Variants in GRIK1 observed in about 807,000 individuals in gnomAD.
The protein encoded by GRIK1 is glutamate ionotropic receptor kainate type subunit 1.
GRIK1 carries 69 observed loss-of-function variants against 105.7 expected under a neutral mutation model. That is an observed-to-expected ratio of 0.65 (90% CI 0.54 to 0.80). The LOEUF (loss-of-function observed/expected upper bound fraction) is 0.80. Among genes scored for constraint, GRIK1 ranks in the 30% least tolerant of loss-of-function variants. GRIK1 has a pLI of 0.00. For synonymous variants in GRIK1, 438 were observed against 431.3 expected (o/e 1.02, Z -0.19); for missense variants, 1,109 against 1,167.3 (o/e 0.95, Z 0.73).
At chr21:29,719,083 T>C (rs1453045370) in intron 1 of GRIK1, among the ~76,000 whole-genome samples, 1 of 129,356 alleles carries the variant, frequency 7.7e-6, no homozygotes, top group Non-Finnish European at 1.8e-5. Context: ...TGTATATACA[T>C]ATATATATAT....
chr21:29,826,903 C>G (rs780093731), intron 1 of GRIK1, among the ~76,000 whole-genome samples: 1 of 152,030 alleles, frequency 6.6e-6, no homozygotes, highest in Non-Finnish European at 1.5e-5. Flanking sequence ...TAAACCTAAG[C>G]AACAAATTCA....
intron 1 of GRIK1, among the ~76,000 whole-genome samples, chr21:29,734,450 C>T (rs558682567): frequency 6.8e-5 from 10 of 147,216 alleles, no homozygotes; most frequent in Middle Eastern, 7.1e-3. Context: ...ACTCTCTTGC[C>T]CAGGGTGGAG....
At chr21:29,915,825 A>G (rs552556810) in intron 1 of GRIK1, among the ~76,000 whole-genome samples, 1 of 152,086 alleles carries the variant, frequency 6.6e-6, no homozygotes, top group Admixed American at 6.6e-5. Context: ...CCAAAAACCT[A>G]GCACAAAATT....
intron 14 of GRIK1, among the ~76,000 whole-genome samples, chr21:29,563,464 C>A (rs2090534485): frequency 1.3e-5 from 2 of 152,042 alleles, no homozygotes; most frequent in African/African-American, 2.4e-5. Context: ...TTTGTGGAAC[C>A]CATTGTGTCA....
At position 29,878,867 on chromosome 21, in the gene GRIK1, C is replaced by T. The variant is rs1018802109; in HGVS notation, c.118+60516G>A. 8.6e-5 allele frequency among the ~76,000 whole-genome samples: 13 copies of T among 151,630 alleles called. No homozygotes were observed. The East Asian group carries it at 1.2e-3, about 14-fold the overall frequency. Reference sequence around the variant, plus strand: ...TACATTTCTATTGTTTATAAGTCACCGATTTTTATGGTCCTTTGTCATGGG... The same window carrying T: ...TACATTTCTATTGTTTATAAGTCACTGATTTTTATGGTCCTTTGTCATGGG... On this transcript the variant is annotated intron_variant, in intron 1 of 17. Coordinates refer to ENST00000327783, the MANE Select transcript of GRIK1 (RefSeq NM_001330994.2).
At chr21:29,615,039 T>C (rs1056749108) in intron 7 of GRIK1, among the ~76,000 whole-genome samples, 1 of 151,730 alleles carries the variant, frequency 6.6e-6, no homozygotes, top group African/African-American at 2.4e-5. Flanking sequence ...AACTAAGTTC[T>C]TGTTGAATGA....
chr21:29,765,174 C>T (rs947358028), intron 1 of GRIK1, among the ~76,000 whole-genome samples: 2 of 152,292 alleles, frequency 1.3e-5, no homozygotes, highest in Non-Finnish European at 1.5e-5. Context: ...TAATATAGTG[C>T]CAAGAAGTCA....
intron 1 of GRIK1, among the ~76,000 whole-genome samples, chr21:29,901,323 C>T (rs1242701778): frequency 1.3e-5 from 2 of 152,026 alleles, no homozygotes. Context: ...GACATAGAGA[C>T]ACAAAATACC....
At chr21:29,629,754 G>T (rs2146474207) in intron 7 of GRIK1, among the ~76,000 whole-genome samples, 1 of 152,324 alleles carries the variant, frequency 6.6e-6, no homozygotes, top group South Asian at 2.1e-4. Flanking sequence ...CTCCCAAAGT[G>T]CTGGGATTAC....
chr21:29,820,019 A>C (rs1331139674), intron 1 of GRIK1, among the ~76,000 whole-genome samples: 1 of 152,058 alleles, frequency 6.6e-6, no homozygotes, highest in Non-Finnish European at 1.5e-5. Context: ...GATGTGACCA[A>C]AGAAAGCTGT....
chr21:29,840,791 A>T (rs544570381), intron 1 of GRIK1, among the ~76,000 whole-genome samples: 1 of 152,316 alleles, frequency 6.6e-6, no homozygotes, highest in African/African-American at 2.4e-5. Context: ...AAGAAAGCTT[A>T]AGGCTGAATC....
At chr21:29,819,437 C>A (rs1393610904) in intron 1 of GRIK1, among the ~76,000 whole-genome samples, 1 of 151,906 alleles carries the variant, frequency 6.6e-6, no homozygotes, top group Non-Finnish European at 1.5e-5. Flanking sequence ...AGGACAAATT[C>A]TAGGGCTACC....
intron 1 of GRIK1, among the ~76,000 whole-genome samples, chr21:29,816,241 A>G (rs113346421): frequency 0.022 from 3,329 of 152,224 alleles, 115 homozygotes; most frequent in African/African-American, 0.076. Context: ...CAAAACCACA[A>G]TGAGATATCA....
chr21:29,781,669 T>TC (rs1315496191), intron 1 of GRIK1, among the ~76,000 whole-genome samples: 1 of 122,384 alleles, frequency 8.2e-6, no homozygotes, highest in Non-Finnish European at 1.8e-5. Context: ...TTTTTTTTTT[T>TC]TTTTTTTTTT....
intron 14 of GRIK1, among the ~76,000 whole-genome samples, chr21:29,572,734 G>A (rs946843637): frequency 5.3e-5 from 8 of 151,918 alleles, no homozygotes; most frequent in Non-Finnish European, 1.2e-4. Context: ...CTCATTAATA[G>A]GGATAATATT....
chr21:29,581,348 C>T, intron 13 of GRIK1, 77 bp downstream of exon 13: 2 of 848,342 alleles, frequency 2.4e-6, no homozygotes. Context: ...CCTCTAGCTT[C>T]ATGGTGGAGT....
intron 1 of GRIK1, among the ~76,000 whole-genome samples, chr21:29,871,026 G>T (rs2068988939): frequency 6.6e-6 from 1 of 152,126 alleles, no homozygotes; most frequent in African/African-American, 2.4e-5. Context: ...TTCTGACTCT[G>T]CCTGAAAGCA....
intron 1 of GRIK1, among the ~76,000 whole-genome samples, chr21:29,715,933 T>G (rs1284752939): frequency 6.6e-6 from 1 of 152,062 alleles, no homozygotes; most frequent in Non-Finnish European, 1.5e-5. Context: ...TATCTCATCA[T>G]GAATTGTAGT....
At chr21:29,861,573 GTGGGA>G in intron 1 of GRIK1, 1 of 206,902 alleles carries the variant, frequency 4.8e-6, no homozygotes, top group Non-Finnish European at 8.7e-6. Flanking sequence ...CTCCCAAAGT[GTGGGA>G]TTATAGGTGT....
Sources: gnomAD v4.1 joint callset for allele counts (sites outside exome capture counted in the v4.1 genomes callset) on GRCh38, gnomAD v4.1.1 for gene constraint, MANE v1.5 for transcripts, NCBI Gene and HGNC (gene_info 2026-07-23, HGNC 2026-07-21) for gene names.